ABCA5: variants seen among roughly 807,000 people sequenced by gnomAD.
ABCA5 encodes the protein cholesterol transporter ABCA5.
ABCA5 carries 163 observed loss-of-function variants against 206.0 expected under a neutral mutation model. The ratio of observed to expected loss-of-function variants is 0.79; its 90% CI spans 0.70 to 0.90. The LOEUF (loss-of-function observed/expected upper bound fraction) is 0.90. Ranked by LOEUF, ABCA5 falls within the 40% of genes least tolerant of loss-of-function variation. The probability of loss-of-function intolerance (pLI) is 0.00; values close to 1 mark genes in which losing one functional copy is unlikely to be tolerated. For missense variants in ABCA5, 1,859 were observed against 1,912.9 expected, an observed-to-expected ratio of 0.97 and a Z score of 0.53; for synonymous variants, 609 against 613.8, an observed-to-expected ratio of 0.99 and a Z score of 0.11.
chr17:69,285,058 T>G (rs1310150075), intron 17 of ABCA5, among the ~76,000 whole-genome samples: 1 of 152,206 alleles, frequency 6.6e-6, no homozygotes, highest in Admixed American at 6.5e-5. Flanking sequence ...TTGGGCAAGT[T>G]CCTTAAATCT....
At position 69,279,921 on chromosome 17, in the gene ABCA5, A is replaced by G. The variant is rs199948508; in HGVS notation, c.2393-2079T>C. On this transcript the variant is annotated intron_variant, in intron 18 of 38. Coordinates refer to ENST00000392676, the MANE Select transcript of ABCA5 (RefSeq NM_172232.4). ...AGACTTAAACGTTAGACCTAAAACC[A>G]TAAAAACCCTAGAAGAAAACCTAGG... Among the ~76,000 whole-genome samples the G allele has an allele frequency of 4.6e-5, 7 of 152,370 alleles. No individual in the cohort carries two copies. In the East Asian group the frequency reaches 1.3e-3, roughly 29 times the overall value.
intron 22 of ABCA5, among the ~76,000 whole-genome samples, chr17:69,269,060 A>G (rs969386229): frequency 6.6e-6 from 1 of 152,220 alleles, no homozygotes; most frequent in African/African-American, 2.4e-5. Flanking sequence ...TTGAAATATT[A>G]ATACGACTAT....
chr17:69,291,256 T>C lies in ABCA5; in HGVS notation c.1566A>G (p.Thr522=), dbSNP rs781772012. ...LLGHSGTGKS[T]LMNILCGLCP... Reference sequence around the variant, plus strand: ...AGAGTCCACAAAGAATATTCATCAATGTACTCTTTCCTGTTCCACTGTGGC... The same window carrying C: ...AGAGTCCACAAAGAATATTCATCAACGTACTCTTTCCTGTTCCACTGTGGC... The change falls in exon 12 of 39, where the codon ACA becomes ACG. Residue 522 remains threonine (T), a synonymous_variant. Transcript: ENST00000392676. The C allele has an allele frequency of 6.2e-7, 1 of 1,610,454 alleles. No homozygotes were observed. The highest frequency in any genetic ancestry group is 8.5e-7 in the Non-Finnish European group (1 of 1,177,842).
intron 12 of ABCA5, 122 bp from the exon 13 acceptor site, chr17:69,290,159 T>G (rs2075510064): frequency 3.2e-6 from 2 of 633,774 alleles, no homozygotes; most frequent in Admixed American, 3.5e-5. Flanking sequence ...TAATATAAAT[T>G]TACAAGGCAC....
chr17:69,251,099 T>TA (rs1246848030), intron 35 of ABCA5: 1 of 153,240 alleles, frequency 6.5e-6, no homozygotes, highest in Admixed American at 6.5e-5. Context: ...TTCTCATGAC[T>TA]ACACTTGGGT....
chr17:69,297,080 T>C lies in ABCA5; in HGVS notation c.1436+111A>G, dbSNP rs2075591226. The C allele has an allele frequency of 7.8e-6, 8 of 1,024,058 alleles. No individual in the cohort carries two copies. The Admixed American group carries it at 1.5e-4, about 19-fold the overall frequency. 63.4% of individuals were successfully genotyped at this position (1,024,058 alleles called of 1,614,324 possible). On this transcript the variant is annotated intron_variant, in intron 10 of 38. Coordinates refer to ENST00000392676, the MANE Select transcript of ABCA5 (RefSeq NM_172232.4). ...AGCCCTTATTAATGTTTTAAAATCA[T>C]GGCATATGTACCAAATCTAATATAC...
intron 9 of ABCA5, among the ~76,000 whole-genome samples, chr17:69,299,614 T>C (rs1175732875): frequency 6.6e-6 from 1 of 151,794 alleles, no homozygotes; most frequent in African/African-American, 2.4e-5. Context: ...AAACCAAATA[T>C]TGTATGTTCT....
intron 23 of ABCA5, among the ~76,000 whole-genome samples, chr17:69,265,389 A>C (rs2075196808): frequency 6.6e-6 from 1 of 152,154 alleles, no homozygotes; most frequent in South Asian, 2.1e-4. Context: ...CTTAAGTGAA[A>C]GCTTTTGAAA....
At chr17:69,264,525 G>A (rs1275483943) in intron 24 of ABCA5, among the ~76,000 whole-genome samples, 1 of 152,138 alleles carries the variant, frequency 6.6e-6, no homozygotes, top group Non-Finnish European at 1.5e-5. Context: ...TTAGTTTCAA[G>A]AAATTATTTT....
chr17:69,315,609 C>G (rs1037439541), intron 1 of ABCA5, among the ~76,000 whole-genome samples: 1 of 151,894 alleles, frequency 6.6e-6, no homozygotes, highest in African/African-American at 2.4e-5. Flanking sequence ...ATGGTGAAAC[C>G]CTGTCTCTAC....
chr17:69,305,936 T>C (rs1442778050), intron 6 of ABCA5, among the ~76,000 whole-genome samples: 2 of 152,174 alleles, frequency 1.3e-5, no homozygotes, highest in South Asian at 2.1e-4. Context: ...AAAGGAAATA[T>C]GTTATATACA....
At chr17:69,251,395 C>A (rs887337868) in intron 35 of ABCA5, 2 of 187,710 alleles carry the variant, frequency 1.1e-5, no homozygotes, top group Non-Finnish European at 2.2e-5. Context: ...TACCTCTTCT[C>A]TGACACATTT....
At chr17:69,265,843 CAT>C (rs1183661942) in intron 23 of ABCA5, among the ~76,000 whole-genome samples, 2 of 152,150 alleles carry the variant, frequency 1.3e-5, no homozygotes, top group African/African-American at 4.8e-5. Context: ...GTAGGGATAA[CAT>C]AAAATGGAAC....
chr17:69,259,635 T>G, intron 28 of ABCA5, 71 bp downstream of exon 28: 1 of 1,044,752 alleles, frequency 9.6e-7, no homozygotes, highest in Non-Finnish European at 1.4e-6. Flanking sequence ...TCCAAAATTA[T>G]GTTATGGTAA....
chr17:69,301,684 T>C (rs1203051911), intron 8 of ABCA5, among the ~76,000 whole-genome samples: 1 of 152,188 alleles, frequency 6.6e-6, no homozygotes, highest in Non-Finnish European at 1.5e-5. Context: ...AAAATTAGGT[T>C]AGCATCTTTC....
At chr17:69,290,520 C>A (rs2075514369) in intron 12 of ABCA5, among the ~76,000 whole-genome samples, 1 of 151,980 alleles carries the variant, frequency 6.6e-6, no homozygotes, top group Admixed American at 6.6e-5. Flanking sequence ...TATGAAGAAT[C>A]ATGAGGAAAA....
At chr17:69,324,367 G>T (rs754721391) in intron 1 of ABCA5, among the ~76,000 whole-genome samples, 1 of 152,196 alleles carries the variant, frequency 6.6e-6, no homozygotes, top group Non-Finnish European at 1.5e-5. Context: ...GAAGAACAGG[G>T]ATACCTGCCA....
At chr17:69,252,010 A>G in intron 34 of ABCA5, 144 bp from the exon 35 acceptor site, 1 of 528,732 alleles carries the variant, frequency 1.9e-6, no homozygotes, top group East Asian at 3.6e-5. Flanking sequence ...ATCCTGCCCA[A>G]CTATGATTTT....
intron 22 of ABCA5, among the ~76,000 whole-genome samples, chr17:69,268,403 A>G (rs1480806234): frequency 5.3e-5 from 8 of 152,144 alleles, no homozygotes; most frequent in African/African-American, 1.7e-4. Flanking sequence ...TATGTCCACC[A>G]TAGTGGTCCT....
Sources: allele counts gnomAD v4.1 joint callset (sites outside exome capture counted in the v4.1 genomes callset), GRCh38; gene constraint gnomAD v4.1.1; transcripts MANE v1.5; gene names NCBI Gene and HGNC (gene_info 2026-07-23, HGNC 2026-07-21).